NKD1: variants seen among roughly 807,000 people sequenced by gnomAD.
The protein encoded by NKD1 is NKD inhibitor of Wnt signaling pathway 1, also known as protein naked cuticle homolog 1.
In NKD1, 21 loss-of-function variants were observed where a neutral mutation model predicts 56.0. The ratio of observed to expected loss-of-function variants is 0.38; its 90% confidence interval spans 0.27 to 0.54. The LOEUF (loss-of-function observed/expected upper bound fraction) is 0.54, where lower values mean the gene tolerates loss of function less well. Among genes scored for constraint, NKD1 ranks in the 20% least tolerant of loss-of-function variants. The pLI is 0.82. For synonymous variants in NKD1, 263 were observed against 265.7 expected, an observed-to-expected ratio of 0.99 and a Z score of 0.10; for missense variants, 578 against 642.7, an observed-to-expected ratio of 0.90 and a Z score of 1.09.
intron 3 of NKD1, among the ~76,000 whole-genome samples, chr16:50,579,455 A>G (rs1275896433): frequency 7.1e-6 from 1 of 140,746 alleles, no homozygotes; most frequent in East Asian, 2.2e-4. Context: ...CCCGCCACGC[A>G]TGCACTGTCT....
At chr16:50,567,176 A>C (rs1056406422) in intron 3 of NKD1, among the ~76,000 whole-genome samples, 6 of 152,170 alleles carry the variant, frequency 3.9e-5, no homozygotes, top group African/African-American at 1.4e-4. Context: ...AGAGGAACAG[A>C]ATGCCCACCG....
chr16:50,579,918 G>GT (rs1961080485), intron 3 of NKD1, among the ~76,000 whole-genome samples: 1 of 152,054 alleles, frequency 6.6e-6, no homozygotes, highest in South Asian at 2.1e-4. Context: ...CACATGCACT[G>GT]TTTTGGTCCC....
At chr16:50,548,683 C>T (rs1960294750) in intron 1 of NKD1, 34 bp from the exon 2 acceptor site, 2 of 1,441,676 alleles carry the variant, frequency 1.4e-6, no homozygotes, top group Non-Finnish European at 9.1e-7. Context: ...GCCGCGGCTG[C>T]CGCCGCCGCC....
chr16:50,641,546 T>A lies in NKD1; in HGVS notation c.*7765T>A, dbSNP rs1025534464. The A allele has an allele frequency of 3.3e-5, 5 of 152,238 alleles. No homozygotes were observed. The highest frequency in any genetic ancestry group is 7.3e-5 in the Non-Finnish European group (5 of 68,030). 9.4% of individuals were successfully genotyped at this position (152,238 alleles called of 1,614,324 possible). On this transcript the variant is annotated 3_prime_UTR_variant, in exon 10 of 10. Transcript: ENST00000268459. ...AGAAAGTGGGTTTACCCCAGGCTCC[T>A]GTTCCCACATGGCTGCAATCCGCCC...
intron 5 of NKD1, 136 bp from the exon 6 acceptor site, chr16:50,625,349 C>T: frequency 4.4e-6 from 3 of 676,736 alleles, no homozygotes; most frequent in East Asian, 5.3e-5. Context: ...CCAAAGTGCT[C>T]CCTGTCCACT....
intron 3 of NKD1, among the ~76,000 whole-genome samples, chr16:50,579,120 G>A (rs942604439): frequency 6.6e-6 from 1 of 151,880 alleles, no homozygotes. Flanking sequence ...CACATGCACT[G>A]TCTTACTCCT....
At chr16:50,619,784 T>C (rs1962045379) in intron 4 of NKD1, among the ~76,000 whole-genome samples, 2 of 152,162 alleles carry the variant, frequency 1.3e-5, no homozygotes, top group Admixed American at 6.5e-5. Flanking sequence ...CTAGAGAAGG[T>C]ATGTGATCCA....
Position 50,633,806 on chromosome 16 carries a change from G to A in NKD1, c.*25G>A. 2 of 1,274,530 alleles carry A rather than the reference G, an allele frequency of 1.6e-6. No individual in the cohort carries two copies. Among genetic ancestry groups the A allele is most frequent in the Non-Finnish European group, 2.1e-6 (2 of 945,194 alleles). The allele number at this position is 1,274,530 out of a possible 1,614,324, so 79.0% of individuals were successfully genotyped here. ...GAGCCCCTCCCCAGGGCCCCACCCTGCCATATGAAGGACCCCACCCCCGAC... is the reference window on the plus strand; with the variant it reads ...GAGCCCCTCCCCAGGGCCCCACCCTACCATATGAAGGACCCCACCCCCGAC... On this transcript the variant is annotated 3_prime_UTR_variant, in exon 10 of 10. Transcript: ENST00000268459. The surrounding 1 kb of genome is among the most constrained non-coding windows in gnomAD (Gnocchi z 4.9).
At position 50,646,389 on chromosome 16, in the gene NKD1, C is replaced by G. The variant is rs909051999; in HGVS notation, c.*12608C>G. The G allele has an allele frequency of 6.6e-6, 1 of 151,164 alleles. No homozygotes were observed. The highest frequency in any genetic ancestry group is 2.4e-5 in the African/African-American group (1 of 40,986). The allele number at this position is 151,164 out of a possible 1,614,324, so 9.4% of individuals were successfully genotyped here. A position where few individuals can be genotyped will look rare whatever the true frequency, so the allele number is the denominator to read the frequency against. ...AAAAAGAGGGGGGGGGGAGAGAGAA[C>G]GAAGGCTAACTGATGCCACAGTCTT... On this transcript the variant is annotated 3_prime_UTR_variant, in exon 10 of 10. Coordinates refer to ENST00000268459, the MANE Select transcript of NKD1 (RefSeq NM_033119.5).
In NKD1 at chr16:50,620,216, G is replaced by A. The variant is rs1008652596; in HGVS notation, c.260-1386G>A. Reference sequence around the variant, plus strand: ...TTGCAGAGGAGAGAGCTCCCAGTTCGCAGGACCAGAGCAGAGCAGGAGAGC... The same window carrying A: ...TTGCAGAGGAGAGAGCTCCCAGTTCACAGGACCAGAGCAGAGCAGGAGAGC... On this transcript the variant is annotated intron_variant, in intron 4 of 9. Transcript: ENST00000268459. Among the ~76,000 whole-genome samples the A allele has an allele frequency of 7.2e-5, 11 of 152,276 alleles. No individual in the cohort carries two copies. The South Asian group carries it at 8.3e-4, about 11-fold the overall frequency.
chr16:50,583,281 G>A (rs1961158282), intron 3 of NKD1, among the ~76,000 whole-genome samples: 1 of 152,222 alleles, frequency 6.6e-6, no homozygotes, highest in South Asian at 2.1e-4. Context: ...TGCCCTATGA[G>A]AGGTCCAGCT....
chr16:50,632,464 GC>G lies in NKD1; in HGVS notation c.823+58del. ...ATGAGGGCAGGGCGTGGCTGGACGG[GC>G]CAGGCGGGCCGTGCGGGTGGTGTTC... On this transcript the variant is annotated intron_variant, in intron 9 of 9. Transcript: ENST00000268459. The surrounding 1 kb of genome is among the most constrained non-coding windows in gnomAD (Gnocchi z 4.1). The G allele has an allele frequency of 6.3e-7, 1 of 1,594,746 alleles. No homozygotes were observed. The highest frequency in any genetic ancestry group is 8.6e-7 in the Non-Finnish European group (1 of 1,164,026).
At chr16:50,551,517 T>G (rs993427174) in intron 3 of NKD1, among the ~76,000 whole-genome samples, 5 of 152,234 alleles carry the variant, frequency 3.3e-5, no homozygotes, top group African/African-American at 1.2e-4. Flanking sequence ...CTCTGTCTCC[T>G]TGGGAGTTGT....
rs568138627 is a variant in NKD1 at position 50,588,764 on chromosome 16, C to T, written c.193-19530C>T. Among the ~76,000 whole-genome samples the T allele has an allele frequency of 2.1e-3, 324 of 151,852 alleles. 14 individuals carry two copies. In the South Asian group the frequency reaches 0.064, roughly 30 times the overall value. The stretch of plus-strand genomic sequence containing the variant: ...GATTACCAGCGCCCGCCATCATGCC[C>T]GGCTAATTTTTGTATTTTTGGTAGA... On this transcript the variant is annotated intron_variant, in intron 3 of 9. Coordinates refer to ENST00000268459, the MANE Select transcript of NKD1 (RefSeq NM_033119.5).
Position 50,648,374 on chromosome 16 carries a change from A to G in NKD1, c.*14593A>G, listed in dbSNP as rs1296580738. 1 of 152,782 alleles carries G rather than the reference A, an allele frequency of 6.5e-6. No individual in the cohort carries two copies. Among genetic ancestry groups the G allele is most frequent in the African/African-American group, 2.4e-5 (1 of 41,412 alleles). 9.5% of individuals were successfully genotyped at this position (152,782 alleles called of 1,614,324 possible). Reference sequence around the variant, plus strand: ...TCCAACACCTCTGTCTTTCTGCCCCATCCACTAGACAAAAGCTGACTCTGG... The same window carrying G: ...TCCAACACCTCTGTCTTTCTGCCCCGTCCACTAGACAAAAGCTGACTCTGG... On this transcript the variant is annotated 3_prime_UTR_variant, in exon 10 of 10. Transcript: ENST00000268459.
chr16:50,586,581 G>T (rs1285298681), intron 3 of NKD1, among the ~76,000 whole-genome samples: 1 of 152,190 alleles, frequency 6.6e-6, no homozygotes, highest in African/African-American at 2.4e-5. Flanking sequence ...GTATGTCATA[G>T]GCCATAGCAA....
intron 4 of NKD1, among the ~76,000 whole-genome samples, chr16:50,620,489 T>C (rs1962061751): frequency 6.6e-6 from 1 of 152,152 alleles, no homozygotes; most frequent in South Asian, 2.1e-4. Context: ...CTGGCCACCC[T>C]TGGGTCAGGG....
intron 3 of NKD1, among the ~76,000 whole-genome samples, chr16:50,592,238 C>T (rs970500535): frequency 6.6e-6 from 1 of 152,202 alleles, no homozygotes; most frequent in Non-Finnish European, 1.5e-5. Context: ...CTGCCGCCGC[C>T]TGGGGGCTGC....
At position 50,634,522 on chromosome 16, in the gene NKD1, T is replaced by G. The variant is rs933330533; in HGVS notation, c.*741T>G. 2 of 152,336 alleles carry G rather than the reference T, an allele frequency of 1.3e-5. No homozygotes were observed. Among genetic ancestry groups the G allele is most frequent in the Admixed American group, 1.3e-4 (2 of 15,290 alleles). The allele number at this position is 152,336 out of a possible 1,614,324, so 9.4% of individuals were successfully genotyped here. On this transcript the variant is annotated 3_prime_UTR_variant, in exon 10 of 10. Coordinates refer to ENST00000268459, the MANE Select transcript of NKD1 (RefSeq NM_033119.5). ...CTATCCCTGAGACCATCCTTCTCAT[T>G]TTGGAAACTGCTAGGGAGGGAACCA... is the stretch of plus-strand genomic sequence containing the variant.
Sources: allele counts gnomAD v4.1 joint callset (sites outside exome capture counted in the v4.1 genomes callset), GRCh38; gene constraint gnomAD v4.1.1; non-coding constraint Gnocchi (gnomAD v3.1); transcripts MANE v1.5; gene names NCBI Gene and HGNC (gene_info 2026-07-23, HGNC 2026-07-21).